PTPRD: variants seen among roughly 807,000 people sequenced by gnomAD.
PTPRD encodes the protein protein tyrosine phosphatase receptor type D, also known as receptor-type tyrosine-protein phosphatase delta.
A neutral mutation model predicts 214.5 loss-of-function variants in PTPRD; 34 were observed. That is an observed-to-expected ratio of 0.16 (90% CI 0.12 to 0.21). The LOEUF (loss-of-function observed/expected upper bound fraction) is 0.21. Ranked by LOEUF, PTPRD falls within the 10% of genes least tolerant of loss-of-function variation. The pLI, the probability that PTPRD is intolerant of heterozygous loss-of-function variation, is 1.00. For missense variants in PTPRD, 2,545 were observed against 2,398.7 expected (o/e 1.06, Z -1.27); for synonymous variants, 1,128 against 845.7 (o/e 1.33, Z -5.79).
chr9:10,213,693 G>A (rs564715730), intron 3 of PTPRD, among the ~76,000 whole-genome samples: 5 of 151,828 alleles, frequency 3.3e-5, no homozygotes, highest in African/African-American at 1.2e-4. Context: ...CCTTATTTTA[G>A]ATGTTACATT....
At chr9:10,515,410 C>G (rs185259076) in intron 2 of PTPRD, among the ~76,000 whole-genome samples, 6 of 141,898 alleles carry the variant, frequency 4.2e-5, no homozygotes, top group South Asian at 2.2e-4. Context: ...CATAAAAGGG[C>G]AACGCCATTT....
chr9:9,056,360 C>T (rs2099696244), intron 10 of PTPRD, among the ~76,000 whole-genome samples: 1 of 152,138 alleles, frequency 6.6e-6, no homozygotes, highest in South Asian at 2.1e-4. Context: ...CCATAAAAAA[C>T]ATTTTGAGAT....
At chr9:8,831,465 G>A (rs915658975) in intron 11 of PTPRD, among the ~76,000 whole-genome samples, 2 of 152,050 alleles carry the variant, frequency 1.3e-5, no homozygotes, top group South Asian at 2.1e-4. Context: ...TATATAACAT[G>A]CTCAGAGACC....
chr9:10,517,992 T>C (rs2050712918), intron 2 of PTPRD, among the ~76,000 whole-genome samples: 2 of 152,152 alleles, frequency 1.3e-5, no homozygotes, highest in African/African-American at 4.8e-5. Context: ...ATATTGAATA[T>C]GAACATTACT....
chr9:10,564,192 T>TTTTTTTTTTTTTG (rs2064947900), intron 2 of PTPRD, among the ~76,000 whole-genome samples: 1 of 133,328 alleles, frequency 7.5e-6, no homozygotes, highest in African/African-American at 2.8e-5. Context: ...TTTTTTTTTT[T>TTTTTTTTTTTTTG]TTTGAGACAT....
At chr9:9,395,477 T>G (rs2067454000) in intron 9 of PTPRD, among the ~76,000 whole-genome samples, 1 of 152,194 alleles carries the variant, frequency 6.6e-6, no homozygotes, top group African/African-American at 2.4e-5. Context: ...GCAACCTGGT[T>G]TAAGAAAGGA....
chr9:8,649,074 G>C (rs563481623), intron 12 of PTPRD, among the ~76,000 whole-genome samples: 1 of 152,276 alleles, frequency 6.6e-6, no homozygotes, highest in East Asian at 1.9e-4. Flanking sequence ...GGGAAAGAAA[G>C]AGAAAAATAA....
chr9:8,713,396 G>A (rs1344071351), intron 12 of PTPRD: 14 of 1,085,470 alleles, frequency 1.3e-5, no homozygotes, highest in East Asian at 1.2e-4. Flanking sequence ...CCCCTCTACC[G>A]CATGCGAATC....
intron 11 of PTPRD, among the ~76,000 whole-genome samples, chr9:8,833,526 T>C (rs962815805): frequency 6.2e-5 from 8 of 128,602 alleles, no homozygotes; most frequent in South Asian, 2.5e-4. Context: ...TAATTTCCAA[T>C]TTTCTTTTTT....
In PTPRD at chr9:8,375,274, G is replaced by A. The variant is rs1032513123; in HGVS notation, c.4661+662C>T. Among the ~76,000 whole-genome samples, 15 of 151,796 alleles carry A rather than the reference G, an allele frequency of 9.9e-5. No individual in the cohort carries two copies. The East Asian group carries it at 1.2e-3, about 12-fold the overall frequency. ...AAATCTATAAACATTTATATATATCGCAATCTGAGTGGTGATGTAGCTGTT... is the reference window on the plus strand; with the variant it reads ...AAATCTATAAACATTTATATATATCACAATCTGAGTGGTGATGTAGCTGTT... On this transcript the variant is annotated intron_variant, in intron 39 of 45. Transcript: ENST00000381196.
intron 25 of PTPRD, among the ~76,000 whole-genome samples, chr9:8,498,563 C>T (rs1036756415): frequency 3.9e-5 from 6 of 152,170 alleles, no homozygotes; most frequent in South Asian, 2.1e-4. Flanking sequence ...AACCTGGTGC[C>T]GCAGTTTTCA....
chr9:9,095,985 G>T (rs2099782918), intron 10 of PTPRD, among the ~76,000 whole-genome samples: 1 of 152,186 alleles, frequency 6.6e-6, no homozygotes, highest in African/African-American at 2.4e-5. Context: ...TAGGCTAAGT[G>T]AAATAAGCCA....
At chr9:9,925,164 T>A (rs1380048961) in intron 5 of PTPRD, among the ~76,000 whole-genome samples, 1 of 152,082 alleles carries the variant, frequency 6.6e-6, no homozygotes, top group Non-Finnish European at 1.5e-5. Context: ...ATCTACAATT[T>A]GCTCACAAAT....
intron 5 of PTPRD, among the ~76,000 whole-genome samples, chr9:9,937,727 G>A (rs1240481179): frequency 1.3e-5 from 2 of 152,016 alleles, no homozygotes; most frequent in Admixed American, 1.3e-4. Context: ...TGAAACTGTG[G>A]AAGACAGATT....
chr9:10,554,824 C>T (rs2062124177), intron 2 of PTPRD, among the ~76,000 whole-genome samples: 1 of 152,046 alleles, frequency 6.6e-6, no homozygotes, highest in South Asian at 2.1e-4. Context: ...CCACGCCCGG[C>T]TAATTTTTTG....
intron 11 of PTPRD, among the ~76,000 whole-genome samples, chr9:9,016,474 C>T (rs959925772): frequency 6.6e-6 from 1 of 152,034 alleles, no homozygotes; most frequent in African/African-American, 2.4e-5. Flanking sequence ...TTGAGATTTA[C>T]ATGAGAGAAT....
intron 3 of PTPRD, among the ~76,000 whole-genome samples, chr9:10,116,725 T>C (rs2098733711): frequency 6.6e-6 from 1 of 152,092 alleles, no homozygotes. Context: ...CTGAAAACCC[T>C]CCAAAGGCTC....
chr9:10,409,209 G>C (rs2098408931), intron 2 of PTPRD, among the ~76,000 whole-genome samples: 1 of 151,804 alleles, frequency 6.6e-6, no homozygotes, highest in African/African-American at 2.4e-5. Context: ...TATGCATATA[G>C]AGTATGACTT....
At chr9:9,320,932 G>T (rs1189515215) in intron 9 of PTPRD, among the ~76,000 whole-genome samples, 2 of 152,092 alleles carry the variant, frequency 1.3e-5, no homozygotes, top group Non-Finnish European at 2.9e-5. Flanking sequence ...TACCTAAATA[G>T]GCTCCTTCAA....
Sources: gnomAD v4.1 joint callset for allele counts (sites outside exome capture counted in the v4.1 genomes callset) on GRCh38, gnomAD v4.1.1 for gene constraint, MANE v1.5 for transcripts, NCBI Gene and HGNC (gene_info 2026-07-23, HGNC 2026-07-21) for gene names.